PCNX2: variants seen among roughly 807,000 people sequenced by gnomAD.
PCNX2 encodes pecanex 2.
Under a neutral mutation model 223.8 loss-of-function variants are expected in PCNX2, and 168 were observed. That is an observed-to-expected ratio of 0.75 (90% CI 0.66 to 0.85). PCNX2 has a LOEUF of 0.85. PCNX2 is among the 40% of genes least tolerant of loss of function. PCNX2 has a pLI of 0.00. For missense variants in PCNX2, 2,507 were observed against 2,675.5 expected (o/e 0.94, Z 1.39); for synonymous variants, 1,006 against 1,052.6 (o/e 0.96, Z 0.86).
At chr1:233,216,466 G>A (rs1656922106) in intron 12 of PCNX2, among the ~76,000 whole-genome samples, 1 of 152,066 alleles carries the variant, frequency 6.6e-6, no homozygotes, top group African/African-American at 2.4e-5. Context: ...AACGATTCAG[G>A]GAAATGCAAG....
intron 25 of PCNX2, among the ~76,000 whole-genome samples, chr1:233,030,771 C>G (rs966767059): frequency 7.9e-5 from 12 of 152,244 alleles, no homozygotes; most frequent in African/African-American, 2.9e-4. Context: ...CTCAGCACTG[C>G]GTAGCCTACA....
rs1385941395 is a variant in PCNX2, at chr1:233,140,597, TA to T, written c.3518-743del. 2.0e-5 allele frequency among the ~76,000 whole-genome samples: 3 copies of T among 152,328 alleles called. No homozygotes were observed. The East Asian group carries it at 5.8e-4, about 29-fold the overall frequency. ...TGGGGAAGAGGTTCTTTCCACCTCCTACTCCTCATGGCAGGAGATGGGGTAA... is the reference window on the plus strand; with the variant it reads ...TGGGGAAGAGGTTCTTTCCACCTCCTCTCCTCATGGCAGGAGATGGGGTAA... On this transcript the variant is annotated intron_variant, in intron 19 of 33. Transcript: ENST00000258229.
rs376936300 is a variant in PCNX2 at position 233,025,160 on chromosome 1, G to A, written c.4591C>T (p.Arg1531Cys). 62 of 1,613,866 alleles carry A rather than the reference G, an allele frequency of 3.8e-5. No homozygotes were observed. The Middle Eastern group carries it at 9.9e-4, about 26-fold the overall frequency. Residue 1531 changes from arginine (R) to cysteine (C), a missense_variant, in exon 26 of 34, where the codon CGC becomes TGC. This residue lies in a region of PCNX2 where 1,372 missense variants were observed against 1,509.4 expected (regional missense o/e 0.91). Transcript: ENST00000258229. ...QVFDLRRILI[R>C]YYIKSIIYYM... The stretch of plus-strand genomic sequence containing the variant: ...CAGAGCAATACCTTGATGTAGTAGC[G>A]GATGAGGATCCTTCGGAGGTCAAAC...
intron 17 of PCNX2, among the ~76,000 whole-genome samples, chr1:233,166,756 A>C (rs1016057356): frequency 4.6e-5 from 7 of 152,212 alleles, no homozygotes; most frequent in Admixed American, 1.3e-4. Context: ...ATTCTGCTCC[A>C]AAAATTTTAT....
intron 4 of PCNX2, among the ~76,000 whole-genome samples, chr1:233,260,823 A>T (rs1660002467): frequency 6.6e-6 from 1 of 152,076 alleles, no homozygotes; most frequent in Non-Finnish European, 1.5e-5. Context: ...AAAAAAAGTT[A>T]GTAAAAATGT....
intron 12 of PCNX2, chr1:233,211,921 G>T: frequency 3.3e-6 from 2 of 598,174 alleles, no homozygotes; most frequent in Non-Finnish European, 2.1e-6. Context: ...CTTGCGGAAG[G>T]TGTCGAAAAC....
At chr1:233,028,236 G>A (rs916928819) in intron 25 of PCNX2, among the ~76,000 whole-genome samples, 3 of 152,158 alleles carry the variant, frequency 2.0e-5, no homozygotes, top group Non-Finnish European at 4.4e-5. Context: ...TTCTGTAAAT[G>A]TCAATTAGTT....
chr1:233,081,992 G>GTT (rs1673381181), intron 23 of PCNX2, among the ~76,000 whole-genome samples: 1 of 131,368 alleles, frequency 7.6e-6, no homozygotes. Context: ...TTCTGTGTGT[G>GTT]TTTGTGTGTG....
chr1:232,992,481 A>G (rs1435445702), intron 32 of PCNX2, among the ~76,000 whole-genome samples: 1 of 152,142 alleles, frequency 6.6e-6, no homozygotes, highest in Non-Finnish European at 1.5e-5. Flanking sequence ...AGGGCGGCAC[A>G]CTCAGTGTTC....
chr1:233,068,557 T>C (rs971509983), intron 23 of PCNX2, among the ~76,000 whole-genome samples: 8 of 152,106 alleles, frequency 5.3e-5, no homozygotes, highest in African/African-American at 1.9e-4. Context: ...ACAGAAAATA[T>C]TCATGACATC....
intron 7 of PCNX2, among the ~76,000 whole-genome samples, chr1:233,251,128 A>G (rs899783662): frequency 7.2e-5 from 11 of 152,296 alleles, no homozygotes; most frequent in African/African-American, 2.6e-4. Flanking sequence ...ACTTATTTGT[A>G]TCATCTCTTA....
intron 15 of PCNX2, among the ~76,000 whole-genome samples, chr1:233,196,058 T>C (rs57794129): frequency 0.016 from 2,512 of 152,274 alleles, 62 homozygotes; most frequent in African/African-American, 0.057. Flanking sequence ...AATGTAATAC[T>C]AACATAAAGA....
chr1:233,171,563 T>C, intron 17 of PCNX2, among the ~76,000 whole-genome samples: 1 of 152,156 alleles, frequency 6.6e-6, no homozygotes, highest in East Asian at 1.9e-4. Context: ...CAGCCTCTCA[T>C]CCATTTGAAT....
intron 23 of PCNX2, among the ~76,000 whole-genome samples, chr1:233,081,564 G>A (rs1313291711): frequency 6.6e-6 from 1 of 152,082 alleles, no homozygotes; most frequent in Non-Finnish European, 1.5e-5. Flanking sequence ...CTCTCTTCAG[G>A]AAAAGGAAAA....
At chr1:233,185,818 G>A (rs1680065740) in intron 15 of PCNX2, among the ~76,000 whole-genome samples, 1 of 152,156 alleles carries the variant, frequency 6.6e-6, no homozygotes, top group Non-Finnish European at 1.5e-5. Flanking sequence ...ATCTCTAATT[G>A]CTCTGAGACA....
upstream of PCNX2, among the ~76,000 whole-genome samples, chr1:233,298,883 AAAACAAAC>A (rs146968053): frequency 7.3e-5 from 11 of 151,422 alleles, no homozygotes; most frequent in African/African-American, 1.7e-4. Context: ...CTGCATCTCA[AAAACAAAC>A]AAACAAACAA....
At chr1:233,012,432 G>T (rs1210615642) in intron 28 of PCNX2, among the ~76,000 whole-genome samples, 1 of 151,952 alleles carries the variant, frequency 6.6e-6, no homozygotes, top group Admixed American at 6.6e-5. Context: ...GTTGTCTTTT[G>T]TAAGTGAAAA....
intron 1 of PCNX2, among the ~76,000 whole-genome samples, chr1:233,283,031 AAT>A (rs1553330896): frequency 7.8e-6 from 1 of 127,716 alleles, no homozygotes; most frequent in South Asian, 2.4e-4. Flanking sequence ...TAAAAAAAAA[AAT>A]AATAATAATA....
upstream of PCNX2, among the ~76,000 whole-genome samples, chr1:233,300,701 G>A (rs535161380): frequency 5.6e-4 from 85 of 152,214 alleles, no homozygotes; most frequent in Admixed American, 1.4e-3. Flanking sequence ...CCTTATGATC[G>A]TACTAGCAGA....
Sources: allele counts gnomAD v4.1 joint callset (sites outside exome capture counted in the v4.1 genomes callset), GRCh38; gene constraint gnomAD v4.1.1; regional missense constraint gnomAD v4.1.1; transcripts MANE v1.5; gene names NCBI Gene and HGNC (gene_info 2026-07-23, HGNC 2026-07-21).